The following GIMD1 variants were observed in gnomAD, a reference collection of about 807,000 sequenced individuals.
GIMD1 encodes GIMAP family P-loop NTPase domain containing 1, also known as GTPase IMAP family member GIMD1.
A neutral mutation model predicts 14.9 loss-of-function variants in GIMD1; 14 were observed. The ratio of observed to expected loss-of-function variants is 0.94; its 90% confidence interval spans 0.62 to 1.47. GIMD1 has a LOEUF of 1.47. Ranked by LOEUF, GIMD1 falls within the 40% of genes most tolerant of loss-of-function variation. The pLI, the probability that GIMD1 is intolerant of heterozygous loss-of-function variation, is 0.00. For synonymous variants in GIMD1, 91 were observed against 90.5 expected (o/e 1.01, Z -0.03); for missense variants, 272 against 255.3 (o/e 1.07, Z -0.44).
chr4:106,365,568 G>A (rs909838880), intron 2 of GIMD1, among the ~76,000 whole-genome samples: 2 of 152,082 alleles, frequency 1.3e-5, no homozygotes, highest in Non-Finnish European at 2.9e-5. Flanking sequence ...CAAAAGAAGG[G>A]TAGCATTTTT....
At chr4:106,368,621 A>G (rs1770743761) in intron 1 of GIMD1, 89 bp downstream of exon 1, 1 of 395,922 alleles carries the variant, frequency 2.5e-6, no homozygotes, top group Middle Eastern at 6.4e-4. Context: ...AGTGAGATGC[A>G]GTCAATTTCT....
chr4:106,363,887 G>C (rs746875239), intron 2 of GIMD1, among the ~76,000 whole-genome samples: 2,519 of 141,250 alleles, frequency 0.018, 69 homozygotes, highest in Middle Eastern at 0.092. Flanking sequence ...CCATAATGGG[G>C]GGGGGGGGGC....
In GIMD1 at chr4:106,358,018, T is replaced by C; in HGVS notation, c.*165A>G. The C allele has an allele frequency of 1.9e-6, 1 of 525,612 alleles. No individual in the cohort carries two copies. The highest frequency in any genetic ancestry group is 3.3e-6 in the Non-Finnish European group (1 of 300,640). 32.6% of individuals were successfully genotyped at this position (525,612 alleles called of 1,614,324 possible). On this transcript the variant is annotated 3_prime_UTR_variant, in exon 3 of 3. Transcript: ENST00000638719. ...ATTTGCATTAGAAATCTTGAATCAT[T>C]GATGTTCTTTTTAACTTCTAGTTTT...
intron 1 of GIMD1, among the ~76,000 whole-genome samples, chr4:106,367,702 A>T (rs533931383): frequency 2.6e-5 from 4 of 152,314 alleles, no homozygotes; most frequent in Admixed American, 1.3e-4. Context: ...AACAGAAAAA[A>T]TCCCAAATTA....
intron 2 of GIMD1, among the ~76,000 whole-genome samples, chr4:106,363,769 C>T (rs918802296): frequency 3.3e-5 from 5 of 151,216 alleles, no homozygotes; most frequent in African/African-American, 7.3e-5. Flanking sequence ...TTAGCTTTTC[C>T]GAGCTTTTTG....
chr4:106,363,971 G>T (rs918341796), intron 2 of GIMD1, among the ~76,000 whole-genome samples: 20 of 151,622 alleles, frequency 1.3e-4, no homozygotes, highest in African/African-American at 4.4e-4. Flanking sequence ...TTTCCTTGAG[G>T]TGACTATATT....
chr4:106,367,261 T>G lies in GIMD1; in HGVS notation c.175A>C (p.Met59Leu). ...GCTACCTCTAGCCCACCTCGACGCA[T>G]GAAGCTGTGGAGGTGACAACTGCGG... The part of the protein sequence containing the change: ...LGRSCHLHSF[M>L]RRGGLEVALQ... The change falls in exon 2 of 3, where the codon ATG becomes CTG. Residue 59 changes from methionine (M) to leucine (L), a missense_variant. Coordinates refer to ENST00000638719, the MANE Select transcript of GIMD1 (RefSeq NM_001195138.2). The G allele has an allele frequency of 6.5e-7, 1 of 1,535,932 alleles. No individual in the cohort carries two copies. Among genetic ancestry groups the G allele is most frequent in the Non-Finnish European group, 8.7e-7 (1 of 1,146,806 alleles).
At chr4:106,365,570 A>G (rs1770685315) in intron 2 of GIMD1, among the ~76,000 whole-genome samples, 1 of 152,146 alleles carries the variant, frequency 6.6e-6, no homozygotes, top group African/African-American at 2.4e-5. Flanking sequence ...AAAGAAGGGT[A>G]GCATTTTTAC....
intron 2 of GIMD1, among the ~76,000 whole-genome samples, chr4:106,364,043 T>G (rs780950631): frequency 2.6e-5 from 4 of 152,108 alleles, no homozygotes; most frequent in African/African-American, 4.8e-5. Context: ...CCAGATAATA[T>G]TTGAATAAAT....
intron 1 of GIMD1, among the ~76,000 whole-genome samples, 188 bp from the exon 2 acceptor site, chr4:106,367,625 T>C (rs993636719): frequency 6.6e-6 from 1 of 152,016 alleles, no homozygotes; most frequent in African/African-American, 2.4e-5. Flanking sequence ...GAAGGGAATG[T>C]GGAATAATTG....
chr4:106,363,307 A>G (rs1428249188), intron 2 of GIMD1, among the ~76,000 whole-genome samples: 3 of 152,150 alleles, frequency 2.0e-5, no homozygotes, highest in Admixed American at 1.3e-4. Context: ...TGAAGCAGAC[A>G]CTACTGTCTT....
In GIMD1 at chr4:106,358,032, ACTT is replaced by A. The variant is rs1181191936; in HGVS notation, c.*148_*150del. On this transcript the variant is annotated 3_prime_UTR_variant, in exon 3 of 3. Coordinates refer to ENST00000638719, the MANE Select transcript of GIMD1 (RefSeq NM_001195138.2). ...TCTTGAATCATTGATGTTCTTTTTA[ACTT>A]CTAGTTTTCCAAAGTGGTTATACCA... 3.7e-6 allele frequency: 2 copies of A among 546,652 alleles called. No individual in the cohort carries two copies. The highest frequency in any genetic ancestry group is 6.3e-6 in the Non-Finnish European group (2 of 316,566). The allele number at this position is 546,652 out of a possible 1,614,324, so 33.9% of individuals were successfully genotyped here.
At chr4:106,365,792 T>G (rs1770688519) in intron 2 of GIMD1, among the ~76,000 whole-genome samples, 1 of 151,162 alleles carries the variant, frequency 6.6e-6, no homozygotes, top group Admixed American at 6.6e-5. Context: ...TTCCAGGAAT[T>G]GTTAGGAATA....
intron 2 of GIMD1, among the ~76,000 whole-genome samples, chr4:106,363,792 T>G (rs921878684): frequency 6.7e-6 from 1 of 149,620 alleles, no homozygotes; most frequent in African/African-American, 2.5e-5. Context: ...AACACATTCG[T>G]CTGCAACATC....
chr4:106,365,870 A>G (rs548557278), intron 2 of GIMD1, among the ~76,000 whole-genome samples: 1 of 152,080 alleles, frequency 6.6e-6, no homozygotes, highest in South Asian at 2.1e-4. Context: ...TAGTCTACAC[A>G]GGGCTGTGTG....
chr4:106,366,363 T>G (rs2125934768), intron 2 of GIMD1, among the ~76,000 whole-genome samples: 1 of 152,294 alleles, frequency 6.6e-6, no homozygotes, highest in South Asian at 2.1e-4. Flanking sequence ...CTTATCTAAT[T>G]TTCCTCTTCT....
At chr4:106,366,957 A>ATTAT (rs1770711117) in intron 2 of GIMD1, 86 bp downstream of exon 2, 27 of 308,150 alleles carry the variant, frequency 8.8e-5, no homozygotes, top group Admixed American at 1.1e-4. Context: ...AATAATAATA[A>ATTAT]TATTATTATT....
intron 2 of GIMD1, 127 bp from the exon 3 acceptor site, chr4:106,358,570 A>C (rs2125933348): frequency 1.5e-6 from 1 of 676,740 alleles, no homozygotes; most frequent in African/African-American, 1.8e-5. Context: ...AAGCTGATAT[A>C]CAATGTAGGA....
rs72878584 is a variant in GIMD1, at chr4:106,360,432, C to A, written c.394-1989G>T. 7.1e-3 allele frequency among the ~76,000 whole-genome samples: 1,074 copies of A among 151,978 alleles called. 10 individuals carry two copies. Among genetic ancestry groups the A allele is most frequent in the African/African-American group, 0.023 (952 of 41,474 alleles). ...ATATAATGTCAGCATCCCATTTTGC[C>A]TAATGGTAACATAGCAAAATTAGCA... On this transcript the variant is annotated intron_variant, in intron 2 of 2. Coordinates refer to ENST00000638719, the MANE Select transcript of GIMD1 (RefSeq NM_001195138.2).
Sources: allele counts gnomAD v4.1 joint callset (sites outside exome capture counted in the v4.1 genomes callset), GRCh38; gene constraint gnomAD v4.1.1; transcripts MANE v1.5; gene names NCBI Gene and HGNC (gene_info 2026-07-23, HGNC 2026-07-21).